The following AGPS variants were observed in gnomAD, a reference collection of about 807,000 sequenced individuals.
AGPS encodes alkyldihydroxyacetonephosphate synthase, peroxisomal.
A neutral mutation model predicts 90.7 loss-of-function variants in AGPS; 26 were observed. The observed-to-expected ratio is 0.29, with a 90% CI of 0.21 to 0.40. The LOEUF (loss-of-function observed/expected upper bound fraction) is 0.40. Ranked by LOEUF, AGPS falls within the 10% of genes least tolerant of loss-of-function variation. The pLI, the probability that AGPS is intolerant of heterozygous loss-of-function variation, is 1.00. For synonymous variants in AGPS, 294 were observed against 285.3 expected (o/e 1.03, Z -0.31); for missense variants, 540 against 816.1 (o/e 0.66, Z 4.12).
At chr2:177,467,315 G>A (rs1339491177) in intron 9 of AGPS, among the ~76,000 whole-genome samples, 1 of 152,102 alleles carries the variant, frequency 6.6e-6, no homozygotes, top group African/African-American at 2.4e-5. Flanking sequence ...TATTGAGAAT[G>A]CATGGTTTAT....
chr2:177,441,227 A>T lies in AGPS; in HGVS notation c.709+191A>T, dbSNP rs182711207. The T allele has an allele frequency of 3.4e-5, 19 of 553,742 alleles. No homozygotes were observed. In the East Asian group the frequency reaches 5.5e-4, roughly 16 times the overall value. 34.3% of individuals were successfully genotyped at this position (553,742 alleles called of 1,614,324 possible). On this transcript the variant is annotated intron_variant, in intron 6 of 19. Transcript: ENST00000264167. ...CCTTAAACTGTTTGAGACATGGTATACCTTAGTTCATGGCTTTTTCCTCTA... is the reference window on the plus strand; with the variant it reads ...CCTTAAACTGTTTGAGACATGGTATTCCTTAGTTCATGGCTTTTTCCTCTA...
chr2:177,431,526 G>A (rs553777287), intron 2 of AGPS, among the ~76,000 whole-genome samples: 316 of 152,246 alleles, frequency 2.1e-3, no homozygotes, highest in Middle Eastern at 6.8e-3. Flanking sequence ...AGAACAGGGC[G>A]TAATTTCAGT....
Position 177,538,531 on chromosome 2 carries a change from T to C in AGPS, c.*336T>C, listed in dbSNP as rs1031393612. 1 of 337,468 alleles carries C rather than the reference T, an allele frequency of 3.0e-6. No homozygotes were observed. The highest frequency in any genetic ancestry group is 5.6e-6 in the Non-Finnish European group (1 of 178,826). The allele number at this position is 337,468 out of a possible 1,614,324, so 20.9% of individuals were successfully genotyped here. ...TTCCTCTTGGGGAACAAAGACAGAT[T>C]TGGTATCATTGATTGCTCAGCTAGC... On this transcript the variant is annotated 3_prime_UTR_variant, in exon 20 of 20. Transcript: ENST00000264167.
chr2:177,508,370 TC>T (rs2105721014), intron 16 of AGPS, among the ~76,000 whole-genome samples: 1 of 152,334 alleles, frequency 6.6e-6, no homozygotes, highest in East Asian at 1.9e-4. Flanking sequence ...TTAAATGTTC[TC>T]TAAAAAGTCC....
Position 177,505,582 on chromosome 2 carries a change from TATATC to T in AGPS, c.1545+12_1545+16del. ...TGTTATTGCATACATTCGAGTAAGTTATATCATATTTCCCTTGCCACTTAATTTAT... is the reference window on the plus strand; with the variant it reads ...TGTTATTGCATACATTCGAGTAAGTTATATTTCCCTTGCCACTTAATTTAT... On this transcript the variant is annotated splice_region_variant and intron_variant, in intron 15 of 19. Coordinates refer to ENST00000264167, the MANE Select transcript of AGPS (RefSeq NM_003659.4). 1.2e-6 allele frequency: 2 copies of T among 1,605,918 alleles called. No homozygotes were observed. The highest frequency in any genetic ancestry group is 8.5e-7 in the Non-Finnish European group (1 of 1,173,354).
At chr2:177,478,103 A>G (rs1158298167) in intron 10 of AGPS, among the ~76,000 whole-genome samples, 1 of 152,198 alleles carries the variant, frequency 6.6e-6, no homozygotes, top group East Asian at 1.9e-4. Context: ...TTTTCGAAAG[A>G]TAACTGCTGG....
chr2:177,434,427 C>A lies in AGPS; in HGVS notation c.441+10C>A. ...TAAAACTACCTCTAAAGTAAGCAAA[C>A]AAAAATTATTACTAACTCATTTAAC... On this transcript the variant is annotated intron_variant, in intron 3 of 19. Coordinates refer to ENST00000264167, the MANE Select transcript of AGPS (RefSeq NM_003659.4). 1 of 1,580,766 alleles carries A rather than the reference C, an allele frequency of 6.3e-7. No individual in the cohort carries two copies. Among genetic ancestry groups the A allele is most frequent in the Non-Finnish European group, 8.7e-7 (1 of 1,151,490 alleles).
At chr2:177,396,414 A>G (rs1685175649) in intron 1 of AGPS, among the ~76,000 whole-genome samples, 1 of 152,212 alleles carries the variant, frequency 6.6e-6, no homozygotes, top group Non-Finnish European at 1.5e-5. Flanking sequence ...GACAGTGAAC[A>G]AACAACTAAT....
chr2:177,457,829 A>G (rs765470367), intron 8 of AGPS, among the ~76,000 whole-genome samples: 3 of 152,236 alleles, frequency 2.0e-5, no homozygotes, highest in African/African-American at 7.2e-5. Context: ...TCCCTAACTC[A>G]TTTTATGAGG....
intron 15 of AGPS, 124 bp downstream of exon 15, chr2:177,505,699 T>C: frequency 1.2e-6 from 1 of 823,196 alleles, no homozygotes; most frequent in Non-Finnish European, 2.0e-6. Flanking sequence ...ATTTAGCATA[T>C]CATTTTACAT....
At chr2:177,537,940 CAAAT>C in intron 19 of AGPS, 130 bp from the exon 20 acceptor site, 2 of 1,309,198 alleles carry the variant, frequency 1.5e-6, no homozygotes, top group South Asian at 1.2e-5. Context: ...CTCAATAAAT[CAAAT>C]AAAGCAAAAC....
intron 1 of AGPS, among the ~76,000 whole-genome samples, chr2:177,402,976 G>A (rs920038253): frequency 6.6e-6 from 1 of 152,194 alleles, no homozygotes; most frequent in Non-Finnish European, 1.5e-5. Flanking sequence ...AGAGTCACTC[G>A]AACCTGGGAG....
Position 177,538,154 on chromosome 2 carries a change from G to C in AGPS, c.1936G>C (p.Val646Leu), listed in dbSNP as rs947907752. The change falls in exon 20 of 20, where the codon GTG becomes CTG. Residue 646 changes from valine (V) to leucine (L), a missense_variant. By Grantham distance (32) the Val-to-Leu change is conservative. Around this residue, in one of 2 missense-constraint regions of AGPS, gnomAD observed 405 missense variants for 692.1 expected, o/e 0.59. Transcript: ENST00000264167. ...FGMLKSVKEY[V>L]DPNNIFGNRN... is the part of the protein sequence containing the mutation. The stretch of plus-strand genomic sequence containing the variant: ...GATGCTGAAGTCTGTCAAGGAATAT[G>C]TGGACCCCAATAACATCTTTGGAAA... The C allele has an allele frequency of 3.1e-6, 5 of 1,612,942 alleles. No homozygotes were observed. The highest frequency in any genetic ancestry group is 3.4e-6 in the Non-Finnish European group (4 of 1,179,194).
intron 10 of AGPS, among the ~76,000 whole-genome samples, chr2:177,476,500 T>C (rs1687785315): frequency 6.6e-6 from 1 of 152,148 alleles, no homozygotes; most frequent in Non-Finnish European, 1.5e-5. Flanking sequence ...CAGTTTCTTA[T>C]TTCATTCCAT....
Position 177,434,314 on chromosome 2 carries a change from C to T in AGPS, c.351-13C>T, listed in dbSNP as rs969799314. 1.3e-6 allele frequency: 2 copies of T among 1,582,724 alleles called. No individual in the cohort carries two copies. Among genetic ancestry groups the T allele is most frequent in the African/African-American group, 2.7e-5 (2 of 74,122 alleles). On this transcript the variant is annotated splice_polypyrimidine_tract_variant and intron_variant, in intron 2 of 19. Transcript: ENST00000264167. The stretch of plus-strand genomic sequence containing the variant: ...TACTTTGCTCTAATATTTTTACTTT[C>T]TTTGTACCTTAGGTACCCTCTTAGT...
At chr2:177,486,921 A>G (rs1574001898) in intron 11 of AGPS, among the ~76,000 whole-genome samples, 1 of 151,788 alleles carries the variant, frequency 6.6e-6, no homozygotes, top group African/African-American at 2.4e-5. Flanking sequence ...ATTCTTTCTC[A>G]TAAGTGGCAG....
chr2:177,505,068 A>G (rs772379413), intron 14 of AGPS, among the ~76,000 whole-genome samples: 22 of 152,134 alleles, frequency 1.4e-4, no homozygotes, highest in Admixed American at 2.6e-4. Context: ...CATTTAAATC[A>G]TAAATTTCAT....
intron 8 of AGPS, among the ~76,000 whole-genome samples, chr2:177,460,286 C>T (rs1482332786): frequency 6.6e-6 from 1 of 151,992 alleles, no homozygotes; most frequent in Non-Finnish European, 1.5e-5. Flanking sequence ...GCACGTTCTG[C>T]ACATGTACCC....
At chr2:177,480,163 A>G (rs988934115) in intron 10 of AGPS, among the ~76,000 whole-genome samples, 2 of 152,190 alleles carry the variant, frequency 1.3e-5, no homozygotes, top group Non-Finnish European at 2.9e-5. Context: ...CTGGGCAACA[A>G]GAGCGAAACT....
Sources: gnomAD v4.1 joint callset for allele counts (sites outside exome capture counted in the v4.1 genomes callset) on GRCh38, gnomAD v4.1.1 for gene constraint, gnomAD v4.1.1 regional missense constraint, MANE v1.5 for transcripts, NCBI Gene and HGNC (gene_info 2026-07-23, HGNC 2026-07-21) for gene names.